Variants in CPSF2 observed in about 807,000 individuals in gnomAD.
The protein encoded by CPSF2 is cleavage and polyadenylation specific factor 2, also known as cleavage and polyadenylation specificity factor subunit 2.
CPSF2 carries 51 observed loss-of-function variants against 84.2 expected under a neutral mutation model. That is an observed-to-expected ratio of 0.61 (90% confidence interval 0.48 to 0.77). CPSF2 has a LOEUF of 0.77. CPSF2 is among the 30% of genes least tolerant of loss of function. CPSF2 has a pLI of 0.00. For missense variants in CPSF2, 641 were observed against 929.4 expected (o/e 0.69, Z 4.03); for synonymous variants, 286 against 311.9 (o/e 0.92, Z 0.87).
rs774500306 is a variant in CPSF2, at chr14:92,166,397, T to C, written c.*4653T>C. On this transcript the variant is annotated 3_prime_UTR_variant, in exon 16 of 16. Transcript: ENST00000298875. ...GGTCTCACTCTGTCACGCAGGCTTGTGTGCATTGGTGCAATCACAGCTCAC... is the reference window on the plus strand; with the variant it reads ...GGTCTCACTCTGTCACGCAGGCTTGCGTGCATTGGTGCAATCACAGCTCAC... 1.3e-5 allele frequency: 2 copies of C among 152,126 alleles called. No homozygotes were observed. Among genetic ancestry groups the C allele is most frequent in the East Asian group, 3.9e-4 (2 of 5,170 alleles). The allele number at this position is 152,126 out of a possible 1,614,324, so 9.4% of individuals were successfully genotyped here.
chr14:92,125,138 A>G (rs1053081419), intron 1 of CPSF2, among the ~76,000 whole-genome samples: 3 of 152,162 alleles, frequency 2.0e-5, no homozygotes, highest in African/African-American at 7.2e-5. Flanking sequence ...ATCTGGTAGC[A>G]ATGTTTAGGT....
At chr14:92,147,652 C>T (rs911977669) in intron 9 of CPSF2, among the ~76,000 whole-genome samples, 3 of 152,104 alleles carry the variant, frequency 2.0e-5, no homozygotes, top group Non-Finnish European at 4.4e-5. Flanking sequence ...CTGAATGAAA[C>T]TTATTTTCAA....
At chr14:92,124,695 G>A (rs910827946) in intron 1 of CPSF2, among the ~76,000 whole-genome samples, 33 of 152,122 alleles carry the variant, frequency 2.2e-4, no homozygotes, top group African/African-American at 8.0e-4. Context: ...TTCAGATGTC[G>A]TTAGTCTATT....
chr14:92,122,032 G>T lies in CPSF2; in HGVS notation c.-190G>T. 1 of 595,044 alleles carries T rather than the reference G, an allele frequency of 1.7e-6. No homozygotes were observed. The highest frequency in any genetic ancestry group is 3.0e-6 in the Non-Finnish European group (1 of 337,366). The allele number at this position is 595,044 out of a possible 1,614,324, so 36.9% of individuals were successfully genotyped here. A position where few individuals can be genotyped will look rare whatever the true frequency, so the allele number is the denominator to read the frequency against. The stretch of plus-strand genomic sequence containing the variant: ...GGCTTCTGCCGGCCGGTAGTCCCTG[G>T]CGCTGCTGACCCAGCATCGGCTTTT... On this transcript the variant is annotated 5_prime_UTR_variant, in exon 1 of 16. Coordinates refer to ENST00000298875, the MANE Select transcript of CPSF2 (RefSeq NM_017437.3).
intron 9 of CPSF2, among the ~76,000 whole-genome samples, chr14:92,150,064 G>A (rs2069192958): frequency 6.6e-6 from 1 of 151,912 alleles, no homozygotes; most frequent in Admixed American, 6.6e-5. Flanking sequence ...ACACTTGTAT[G>A]TTTATTTGAG....
chr14:92,156,891 A>T lies in CPSF2; in HGVS notation c.1595+260A>T, dbSNP rs567264466. ...AATTGTAACATTAAATTGTACATTTATATGAAGAAAAATTATTTTTGGCCT... is the reference window on the plus strand; with the variant it reads ...AATTGTAACATTAAATTGTACATTTTTATGAAGAAAAATTATTTTTGGCCT... On this transcript the variant is annotated intron_variant, in intron 12 of 15. Transcript: ENST00000298875. Among the ~76,000 whole-genome samples the T allele has an allele frequency of 2.2e-4, 33 of 152,312 alleles. No homozygotes were observed. The East Asian group carries it at 4.0e-3, about 19-fold the overall frequency.
chr14:92,140,727 T>A (rs1481401416), intron 7 of CPSF2, among the ~76,000 whole-genome samples: 2 of 151,938 alleles, frequency 1.3e-5, no homozygotes, highest in Admixed American at 6.6e-5. Context: ...CCACCATGCC[T>A]GGCCGCAATC....
intron 9 of CPSF2, among the ~76,000 whole-genome samples, chr14:92,147,893 T>TA (rs983362339): frequency 6.6e-6 from 1 of 151,908 alleles, no homozygotes; most frequent in Non-Finnish European, 1.5e-5. Context: ...CCAGCTAATT[T>TA]AAAAAAAAAT....
In CPSF2 at chr14:92,167,019, T is replaced by TTC. The variant is rs1555416324; in HGVS notation, c.*5276_*5277insCT. On this transcript the variant is annotated 3_prime_UTR_variant, in exon 16 of 16. Transcript: ENST00000298875. The stretch of plus-strand genomic sequence containing the variant: ...CTTATCGATTTCTTTTTTTTCTTTT[T>TTC]TTTTTTTTTTGAGATAGCATCTTGC... 2.0e-5 allele frequency: 3 copies of TTC among 150,198 alleles called. No homozygotes were observed. The highest frequency in any genetic ancestry group is 3.9e-4 in the East Asian group (2 of 5,120). The allele number at this position is 150,198 out of a possible 1,614,324, so 9.3% of individuals were successfully genotyped here. A position where few individuals can be genotyped will look rare whatever the true frequency, so the allele number is the denominator to read the frequency against.
intron 6 of CPSF2, among the ~76,000 whole-genome samples, chr14:92,137,259 G>A (rs1297027155): frequency 2.0e-5 from 3 of 151,964 alleles, no homozygotes; most frequent in African/African-American, 7.2e-5. Flanking sequence ...CTCTGTCACC[G>A]AGGCTGGAGG....
In CPSF2 at chr14:92,171,203, T is replaced by A. The variant is rs181098066; in HGVS notation, c.*9459T>A. 3.9e-4 allele frequency: 60 copies of A among 152,300 alleles called. No individual in the cohort carries two copies. Among genetic ancestry groups the A allele is most frequent in the African/African-American group, 1.4e-3 (58 of 41,562 alleles). The allele number at this position is 152,300 out of a possible 1,614,324, so 9.4% of individuals were successfully genotyped here. A position where few individuals can be genotyped will look rare whatever the true frequency, so the allele number is the denominator to read the frequency against. On this transcript the variant is annotated 3_prime_UTR_variant, in exon 16 of 16. Transcript: ENST00000298875. ...GTGCAGTGATGAGATCATAGCCCAC[T>A]GCAGCCTCAAACTCCTGGGCTCATG...
In CPSF2 at chr14:92,166,000, A is replaced by G. The variant is rs1399602572; in HGVS notation, c.*4256A>G. The G allele has an allele frequency of 6.6e-6, 1 of 151,230 alleles. No individual in the cohort carries two copies. The highest frequency in any genetic ancestry group is 1.5e-5 in the Non-Finnish European group (1 of 67,998). The allele number at this position is 151,230 out of a possible 1,614,324, so 9.4% of individuals were successfully genotyped here. A position where few individuals can be genotyped will look rare whatever the true frequency, so the allele number is the denominator to read the frequency against. On this transcript the variant is annotated 3_prime_UTR_variant, in exon 16 of 16. Coordinates refer to ENST00000298875, the MANE Select transcript of CPSF2 (RefSeq NM_017437.3). ...CCTCAGCCTCCTGAGTACTGGGATT[A>G]CAGGCACCCACCACCATGCCTGGCT...
Position 92,125,336 on chromosome 14 carries a change from G to T in CPSF2, c.-93-786G>T, listed in dbSNP as rs146305794. On this transcript the variant is annotated intron_variant, in intron 1 of 15. Transcript: ENST00000298875. ...CCCAGAAGTGAAGAATCAGCATGTA[G>T]CATTTCAAACCTTGGTTACTTAGAT... Among the ~76,000 whole-genome samples, 73 of 152,256 alleles carry T rather than the reference G, an allele frequency of 4.8e-4. No homozygotes were observed. In the East Asian group the frequency reaches 6.4e-3, roughly 13 times the overall value.
At chr14:92,158,424 G>A (rs2069321040) in intron 13 of CPSF2, among the ~76,000 whole-genome samples, 1 of 152,178 alleles carries the variant, frequency 6.6e-6, no homozygotes, top group Non-Finnish European at 1.5e-5. Context: ...TAAGGCCAGA[G>A]TGATGTCTAT....
chr14:92,128,738 G>A (rs2068875898), intron 2 of CPSF2, among the ~76,000 whole-genome samples: 1 of 152,148 alleles, frequency 6.6e-6, no homozygotes, highest in African/African-American at 2.4e-5. Context: ...TGACCCCAGA[G>A]GATTTTTGCA....
intron 3 of CPSF2, among the ~76,000 whole-genome samples, chr14:92,131,701 T>A (rs2068933285): frequency 6.6e-6 from 1 of 151,960 alleles, no homozygotes; most frequent in Non-Finnish European, 1.5e-5. Flanking sequence ...TAGCCGGGTG[T>A]GATGGTGTGC....
intron 3 of CPSF2, among the ~76,000 whole-genome samples, chr14:92,133,538 C>G (rs1325805531): frequency 2.0e-5 from 3 of 152,012 alleles, no homozygotes; most frequent in African/African-American, 7.2e-5. Context: ...ATGATCTCAT[C>G]AAGGTCAACC....
Position 92,143,090 on chromosome 14 carries a change from T to C in CPSF2, c.936T>C (p.His312=), listed in dbSNP as rs1446632584. ...AGTTTCGCCATCTCTCTTTATGTCA[T>C]GGTCTTTCTGACTTGGCCCGTGTAC... is the stretch of plus-strand genomic sequence containing the variant. The part of the protein sequence containing the change: ...PFQFRHLSLC[H]GLSDLARVPS... The change falls in exon 9 of 16, where the codon CAT becomes CAC. Residue 312 remains histidine, a synonymous_variant. Coordinates refer to ENST00000298875, the MANE Select transcript of CPSF2 (RefSeq NM_017437.3). 4 of 1,614,114 alleles carry C rather than the reference T, an allele frequency of 2.5e-6. No homozygotes were observed. Among genetic ancestry groups the C allele is most frequent in the South Asian group, 2.2e-5 (2 of 91,080 alleles).
chr14:92,161,025 G>T, intron 14 of CPSF2, 87 bp from the exon 15 acceptor site: 1 of 1,228,746 alleles, frequency 8.1e-7, no homozygotes, highest in South Asian at 1.4e-5. Flanking sequence ...ATCTCTTAGA[G>T]ATAATGTAGT....
Sources: allele counts gnomAD v4.1 joint callset (sites outside exome capture counted in the v4.1 genomes callset), GRCh38; gene constraint gnomAD v4.1.1; transcripts MANE v1.5; gene names NCBI Gene and HGNC (gene_info 2026-07-23, HGNC 2026-07-21).